CNTN5: variants seen among roughly 807,000 people sequenced by gnomAD.
CNTN5 encodes contactin-5.
A neutral mutation model predicts 129.1 loss-of-function variants in CNTN5; 77 were observed. The observed-to-expected ratio is 0.60, with a 90% CI of 0.50 to 0.72. The LOEUF (loss-of-function observed/expected upper bound fraction) is 0.72, where lower values mean the gene tolerates loss of function less well. Among genes scored for constraint, CNTN5 ranks in the 30% least tolerant of loss-of-function variants. CNTN5 has a pLI of 0.00. For missense variants in CNTN5, 1,478 were observed against 1,328.8 expected (o/e 1.11, Z -1.75); for synonymous variants, 509 against 465.6 (o/e 1.09, Z -1.20).
intron 1 of CNTN5, among the ~76,000 whole-genome samples, chr11:99,064,994 TATCTA>T (rs901046366): frequency 4.5e-4 from 69 of 152,146 alleles, no homozygotes; most frequent in African/African-American, 1.3e-3. Context: ...TTAATAAAAT[TATCTA>T]ATCTAACACT....
intron 4 of CNTN5, among the ~76,000 whole-genome samples, chr11:99,826,158 T>A (rs1946950377): frequency 6.6e-6 from 1 of 152,180 alleles, no homozygotes; most frequent in South Asian, 2.1e-4. Context: ...TGGCTTTTTT[T>A]TGCAATATAG....
At chr11:99,566,017 G>T (rs1160273422) in intron 3 of CNTN5, among the ~76,000 whole-genome samples, 1 of 152,140 alleles carries the variant, frequency 6.6e-6, no homozygotes, top group Non-Finnish European at 1.5e-5. Flanking sequence ...AATTGTTTTG[G>T]CTTGCTAGCA....
chr11:99,758,515 T>G (rs1944475388), intron 3 of CNTN5, among the ~76,000 whole-genome samples: 1 of 152,046 alleles, frequency 6.6e-6, no homozygotes, highest in Non-Finnish European at 1.5e-5. Flanking sequence ...CAAAGATGAT[T>G]GAAATGATTT....
intron 2 of CNTN5, among the ~76,000 whole-genome samples, chr11:99,365,577 G>T (rs2136118752): frequency 6.6e-6 from 1 of 152,236 alleles, no homozygotes; most frequent in South Asian, 2.1e-4. Context: ...ATTTCAAACA[G>T]TGTAATAAAT....
chr11:99,304,603 A>C (rs897637204), intron 1 of CNTN5, among the ~76,000 whole-genome samples: 7 of 152,168 alleles, frequency 4.6e-5, no homozygotes, highest in African/African-American at 1.7e-4. Flanking sequence ...ACTCACAATA[A>C]AATTTTTAAA....
chr11:99,724,637 A>G (rs534922945), intron 3 of CNTN5, among the ~76,000 whole-genome samples: 34 of 152,304 alleles, frequency 2.2e-4, no homozygotes, highest in African/African-American at 7.9e-4. Context: ...TTGAACTGAG[A>G]CTTGAATCCA....
At chr11:99,448,758 TTATTTTA>T (rs1293406646) in intron 2 of CNTN5, among the ~76,000 whole-genome samples, 1 of 147,960 alleles carries the variant, frequency 6.8e-6, no homozygotes, top group Non-Finnish European at 1.5e-5. Context: ...TTATTTTATT[TTATTTTA>T]TTTTATTTTA....
chr11:100,259,290 A>T (rs1950146217), intron 17 of CNTN5, among the ~76,000 whole-genome samples: 1 of 152,030 alleles, frequency 6.6e-6, no homozygotes, highest in Non-Finnish European at 1.5e-5. Context: ...ACCCATATTC[A>T]TAAAGCAAGT....
chr11:100,269,963 C>T (rs1027573499), intron 17 of CNTN5, among the ~76,000 whole-genome samples: 1 of 152,150 alleles, frequency 6.6e-6, no homozygotes, highest in African/African-American at 2.4e-5. Flanking sequence ...GGCATTTCAC[C>T]AAGCTGTGGT....
chr11:99,656,995 A>G (rs1171694052), intron 3 of CNTN5, among the ~76,000 whole-genome samples: 1 of 151,868 alleles, frequency 6.6e-6, no homozygotes, highest in Non-Finnish European at 1.5e-5. Context: ...ACCAAAAAGT[A>G]TGTTGCCTGG....
chr11:99,601,211 T>C (rs1160431111), intron 3 of CNTN5, among the ~76,000 whole-genome samples: 2 of 152,216 alleles, frequency 1.3e-5, no homozygotes, highest in African/African-American at 4.8e-5. Flanking sequence ...TAATCTTTAC[T>C]CAAGATGTTG....
intron 2 of CNTN5, among the ~76,000 whole-genome samples, chr11:99,429,634 A>C (rs1213204796): frequency 6.6e-6 from 1 of 152,140 alleles, no homozygotes; most frequent in Admixed American, 6.5e-5. Context: ...GTACAATTTT[A>C]CTTATAAAGG....
intron 1 of CNTN5, among the ~76,000 whole-genome samples, chr11:99,126,158 A>C (rs1858620232): frequency 6.6e-6 from 1 of 152,212 alleles, no homozygotes; most frequent in South Asian, 2.1e-4. Flanking sequence ...CAATTTTATT[A>C]ACAGATTCAG....
intron 3 of CNTN5, among the ~76,000 whole-genome samples, chr11:99,799,680 A>T (rs1360740771): frequency 6.6e-6 from 1 of 152,056 alleles, no homozygotes; most frequent in African/African-American, 2.4e-5. Context: ...ATATATGTTT[A>T]TCAGGGATAT....
intron 1 of CNTN5, among the ~76,000 whole-genome samples, chr11:99,244,186 A>G (rs978578584): frequency 1.3e-5 from 2 of 152,042 alleles, no homozygotes; most frequent in African/African-American, 4.8e-5. Context: ...TTCACCTTGG[A>G]TAGATATATC....
intron 18 of CNTN5, among the ~76,000 whole-genome samples, chr11:100,289,075 T>C (rs139074851): frequency 2.9e-4 from 44 of 152,254 alleles, no homozygotes; most frequent in African/African-American, 1.1e-3. Flanking sequence ...GTTGAATCTC[T>C]GAACAGACCA....
chr11:100,131,352 G>T, intron 13 of CNTN5, among the ~76,000 whole-genome samples: 1 of 152,080 alleles, frequency 6.6e-6, no homozygotes, highest in Non-Finnish European at 1.5e-5. Flanking sequence ...GATATGGAGT[G>T]TGAGGATTTG....
intron 1 of CNTN5, among the ~76,000 whole-genome samples, chr11:99,174,427 C>A (rs1292096556): frequency 6.6e-6 from 1 of 152,190 alleles, no homozygotes; most frequent in Admixed American, 6.5e-5. Context: ...GTGAGCTCAA[C>A]ATGGTACCCG....
intron 1 of CNTN5, among the ~76,000 whole-genome samples, chr11:99,241,908 T>C (rs982975045): frequency 2.0e-5 from 3 of 152,096 alleles, no homozygotes; most frequent in Admixed American, 1.3e-4. Context: ...TCTTTGATGA[T>C]GGAGGAATAC....
Sources: allele counts gnomAD v4.1 joint callset (sites outside exome capture counted in the v4.1 genomes callset), GRCh38; gene constraint gnomAD v4.1.1; transcripts MANE v1.5; gene names NCBI Gene and HGNC (gene_info 2026-07-23, HGNC 2026-07-21).